The following SGCZ variants were observed in gnomAD, a reference collection of about 807,000 sequenced individuals.
SGCZ encodes sarcoglycan zeta.
A neutral mutation model predicts 41.3 loss-of-function variants in SGCZ; 40 were observed. The observed-to-expected ratio is 0.97, with a 90% CI of 0.75 to 1.26. The LOEUF (loss-of-function observed/expected upper bound fraction) is 1.26, where lower values mean the gene tolerates loss of function less well. Among genes scored for constraint, SGCZ ranks in the 50% most tolerant of loss-of-function variants. The pLI, the probability that SGCZ is intolerant of heterozygous loss-of-function variation, is 0.00. For missense variants in SGCZ, 552 were observed against 369.8 expected, an observed-to-expected ratio of 1.49 and a Z score of -4.04; for synonymous variants, 206 against 137.5, an observed-to-expected ratio of 1.50 and a Z score of -3.49.
chr8:14,304,645 C>G (rs1801294624), intron 3 of SGCZ, among the ~76,000 whole-genome samples: 1 of 152,072 alleles, frequency 6.6e-6, no homozygotes, highest in South Asian at 2.1e-4. Flanking sequence ...AAATATCGCT[C>G]AGGTTTATGT....
At chr8:15,062,799 T>C (rs1287681584) in intron 1 of SGCZ, among the ~76,000 whole-genome samples, 1 of 152,196 alleles carries the variant, frequency 6.6e-6, no homozygotes. Context: ...GTCTTACGTA[T>C]AGTAAAATAT....
At chr8:14,199,885 C>A (rs540008548) in intron 4 of SGCZ, among the ~76,000 whole-genome samples, 2 of 152,056 alleles carry the variant, frequency 1.3e-5, no homozygotes, top group Admixed American at 1.3e-4. Context: ...TCTATCCATA[C>A]AATTCTAAAG....
chr8:14,973,594 T>C (rs1258319295), intron 1 of SGCZ, among the ~76,000 whole-genome samples: 3 of 152,182 alleles, frequency 2.0e-5, no homozygotes, highest in East Asian at 1.9e-4. Flanking sequence ...TACTTAAGTA[T>C]TGACATCCAA....
intron 1 of SGCZ, among the ~76,000 whole-genome samples, chr8:15,088,520 G>T (rs922387344): frequency 1.4e-4 from 21 of 151,986 alleles, no homozygotes; most frequent in African/African-American, 5.1e-4. Context: ...TATATAAATG[G>T]AGATGTTAAT....
At chr8:14,436,012 G>A (rs1029448463) in intron 2 of SGCZ, among the ~76,000 whole-genome samples, 1 of 152,172 alleles carries the variant, frequency 6.6e-6, no homozygotes, top group African/African-American at 2.4e-5. Context: ...AAAGGAAGTA[G>A]GATTACTAAG....
At chr8:15,220,652 G>T (rs268343) in intron 1 of SGCZ, among the ~76,000 whole-genome samples, 3 of 152,006 alleles carry the variant, frequency 2.0e-5, no homozygotes, top group Non-Finnish European at 4.4e-5. Context: ...ACCCCATGAT[G>T]CCATTACTGG....
chr8:14,933,699 G>A (rs1461654463), intron 1 of SGCZ, among the ~76,000 whole-genome samples: 4 of 151,846 alleles, frequency 2.6e-5, no homozygotes, highest in East Asian at 1.9e-4. Context: ...TGATCTGCCC[G>A]CCTTGGCCTA....
At chr8:15,069,945 C>T (rs1805291533) in intron 1 of SGCZ, among the ~76,000 whole-genome samples, 1 of 150,374 alleles carries the variant, frequency 6.7e-6, no homozygotes, top group Non-Finnish European at 1.5e-5. Flanking sequence ...CACACAAAGA[C>T]ACACACACAC....
chr8:14,914,099 T>C (rs1799357940), intron 1 of SGCZ, among the ~76,000 whole-genome samples: 1 of 151,890 alleles, frequency 6.6e-6, no homozygotes, highest in Admixed American at 6.6e-5. Context: ...GTGTGAGAGA[T>C]TACTCAGAAA....
chr8:14,666,968 T>C (rs1201599543), intron 1 of SGCZ, among the ~76,000 whole-genome samples: 1 of 152,128 alleles, frequency 6.6e-6, no homozygotes, highest in African/African-American at 2.4e-5. Flanking sequence ...CAAATATATA[T>C]ATTTATATAG....
intron 1 of SGCZ, among the ~76,000 whole-genome samples, chr8:14,697,738 T>A (rs894012678): frequency 6.6e-6 from 1 of 152,038 alleles, no homozygotes; most frequent in Non-Finnish European, 1.5e-5. Context: ...AAACTCTGGA[T>A]AACAGAATAT....
At chr8:15,098,006 C>G (rs1806452418) in intron 1 of SGCZ, among the ~76,000 whole-genome samples, 2 of 151,210 alleles carry the variant, frequency 1.3e-5, no homozygotes, top group South Asian at 4.2e-4. Context: ...AATCTTCTCT[C>G]CTTACCTGGC....
intron 1 of SGCZ, among the ~76,000 whole-genome samples, chr8:14,808,893 T>C (rs1444463920): frequency 6.6e-6 from 1 of 151,646 alleles, no homozygotes; most frequent in Non-Finnish European, 1.5e-5. Context: ...TGGAATACTA[T>C]GCAGCCATAA....
At chr8:14,192,352 T>A (rs4524791) in intron 4 of SGCZ, among the ~76,000 whole-genome samples, 100,164 of 151,720 alleles carry the variant, frequency 0.66, 33,448 homozygotes, top group East Asian at 0.8. Flanking sequence ...TTATCTAACC[T>A]GAATTTTCTT....
chr8:14,448,167 CTA>C (rs1220544056), intron 2 of SGCZ, among the ~76,000 whole-genome samples: 3 of 152,184 alleles, frequency 2.0e-5, no homozygotes, highest in African/African-American at 7.2e-5. Context: ...GCACAAGACT[CTA>C]AACGCTCTTG....
At position 14,269,688 on chromosome 8, in the gene SGCZ, C is replaced by G. The variant is rs554159258; in HGVS notation, c.337-32009G>C. Among the ~76,000 whole-genome samples, 4 of 152,120 alleles carry G rather than the reference C, an allele frequency of 2.6e-5. No homozygotes were observed. In the East Asian group the frequency reaches 7.8e-4, roughly 30 times the overall value. On this transcript the variant is annotated intron_variant, in intron 3 of 7. Coordinates refer to ENST00000382080, the MANE Select transcript of SGCZ (RefSeq NM_139167.4). ...TCTTTAAGTCAAAAATTCTGGAGGA[C>G]AAAATGCTATGACATGATGCTGTCA...
At chr8:15,222,758 T>A (rs1418167234) in intron 1 of SGCZ, among the ~76,000 whole-genome samples, 1 of 151,574 alleles carries the variant, frequency 6.6e-6, no homozygotes, top group African/African-American at 2.4e-5. Context: ...AAACACAGAG[T>A]GTGTGTGTGT....
intron 3 of SGCZ, among the ~76,000 whole-genome samples, chr8:14,289,951 G>T (rs141968869): frequency 6.6e-6 from 1 of 151,974 alleles, no homozygotes; most frequent in East Asian, 1.9e-4. Context: ...TCATAAGGCA[G>T]GAGAGTGAGT....
At chr8:14,439,789 T>C (rs1246313777) in intron 2 of SGCZ, among the ~76,000 whole-genome samples, 1 of 151,898 alleles carries the variant, frequency 6.6e-6, no homozygotes, top group African/African-American at 2.4e-5. Flanking sequence ...ATAAACAGTA[T>C]CTATAGGAAG....
Sources: gnomAD v4.1 joint callset for allele counts (sites outside exome capture counted in the v4.1 genomes callset) on GRCh38, gnomAD v4.1.1 for gene constraint, MANE v1.5 for transcripts, NCBI Gene and HGNC (gene_info 2026-07-23, HGNC 2026-07-21) for gene names.